EIF4G3: variants seen among roughly 807,000 people sequenced by gnomAD.
EIF4G3 encodes the protein eIF-4-gamma 3.
A neutral mutation model predicts 186.4 loss-of-function variants in EIF4G3; 34 were observed. The observed-to-expected ratio is 0.18, with a 90% CI of 0.14 to 0.24. The LOEUF (loss-of-function observed/expected upper bound fraction) is 0.24. EIF4G3 is among the 10% of genes least tolerant of loss of function. The pLI is 1.00. For synonymous variants in EIF4G3, 673 were observed against 679.5 expected (o/e 0.99, Z 0.15); for missense variants, 1,536 against 1,948.5 (o/e 0.79, Z 3.99).
rs2059069467 is a variant in EIF4G3, at chr1:20,810,677, G to C, written c.4744+61C>G. On this transcript the variant is annotated intron_variant, in intron 36 of 36. Coordinates refer to ENST00000602326, the MANE Select transcript of EIF4G3 (RefSeq NM_001391906.1). The surrounding 1 kb of genome is among the most constrained non-coding windows in gnomAD (Gnocchi z 4.1). ...TGTTCGAACCCTAAATCATCTCTAAGTCCTGGCTTGGATAAATCTCACTCA... is the reference window on the plus strand; with the variant it reads ...TGTTCGAACCCTAAATCATCTCTAACTCCTGGCTTGGATAAATCTCACTCA... The C allele has an allele frequency of 6.4e-7, 1 of 1,564,138 alleles. No individual in the cohort carries two copies. The highest frequency in any genetic ancestry group is 1.1e-5 in the South Asian group (1 of 89,276).
chr1:21,036,646 G>A (rs1299289064), intron 4 of EIF4G3, among the ~76,000 whole-genome samples: 1 of 152,200 alleles, frequency 6.6e-6, no homozygotes, highest in East Asian at 1.9e-4. Flanking sequence ...TTGGGAGGCT[G>A]AGGCAGGTGG....
chr1:21,033,514 T>C (rs1042135218), intron 4 of EIF4G3, among the ~76,000 whole-genome samples: 1 of 151,918 alleles, frequency 6.6e-6, no homozygotes, highest in Non-Finnish European at 1.5e-5. Flanking sequence ...GCAAGGAACA[T>C]TTATTTAGCA....
intron 2 of EIF4G3, among the ~76,000 whole-genome samples, chr1:21,164,333 T>TA (rs772364099): frequency 3.3e-5 from 5 of 152,312 alleles, no homozygotes; most frequent in Non-Finnish European, 7.4e-5. Flanking sequence ...TTTCCGGGCA[T>TA]AAAAAAGGAT....
chr1:21,150,452 C>T (rs1374520064), intron 2 of EIF4G3, among the ~76,000 whole-genome samples: 1 of 152,094 alleles, frequency 6.6e-6, no homozygotes, highest in Non-Finnish European at 1.5e-5. Context: ...GTGAGATCAG[C>T]ACTATACTGA....
In EIF4G3 at chr1:20,893,716, A is replaced by G; in HGVS notation, c.2134-80T>C. On this transcript the variant is annotated intron_variant, in intron 17 of 36. Coordinates refer to ENST00000602326, the MANE Select transcript of EIF4G3 (RefSeq NM_001391906.1). Reference sequence around the variant, plus strand: ...CAAAAGATAACAAAAATTTTTACTGAAAAGTTACATCAGCTGAAACGGTAA... The same window carrying G: ...CAAAAGATAACAAAAATTTTTACTGGAAAGTTACATCAGCTGAAACGGTAA... The G allele has an allele frequency of 7.1e-6, 10 of 1,418,100 alleles. No homozygotes were observed. In the South Asian group the frequency reaches 1.7e-4, roughly 23 times the overall value. 87.8% of individuals were successfully genotyped at this position (1,418,100 alleles called of 1,614,324 possible). A position where few individuals can be genotyped will look rare whatever the true frequency, so the allele number is the denominator to read the frequency against.
At chr1:20,882,071 G>C (rs2082503756) in intron 19 of EIF4G3, among the ~76,000 whole-genome samples, 1 of 151,910 alleles carries the variant, frequency 6.6e-6, no homozygotes, top group Non-Finnish European at 1.5e-5. Context: ...GCTGAGGCAG[G>C]AAGATCGCTT....
rs76877715 is a variant in EIF4G3 at position 21,067,434 on chromosome 1, T to C, written c.-195-16440A>G. Among the ~76,000 whole-genome samples the C allele has an allele frequency of 2.6e-5, 4 of 152,214 alleles. No individual in the cohort carries two copies. In the East Asian group the frequency reaches 7.7e-4, roughly 29 times the overall value. On this transcript the variant is annotated intron_variant, in intron 3 of 36. Coordinates refer to ENST00000602326, the MANE Select transcript of EIF4G3 (RefSeq NM_001391906.1). ...AGGCATGAGCCACCACGTCTGGCTT[T>C]TATTAAATAATATTTTAACAAGGTA... is the stretch of plus-strand genomic sequence containing the variant.
intron 4 of EIF4G3, among the ~76,000 whole-genome samples, chr1:21,042,209 C>T (rs1362274137): frequency 2.0e-5 from 3 of 152,052 alleles, no homozygotes; most frequent in East Asian, 1.9e-4. Context: ...AACTCCTGAG[C>T]GCAAGTGAAC....
At chr1:20,957,660 A>G (rs1038211164) in intron 12 of EIF4G3, among the ~76,000 whole-genome samples, 1 of 152,178 alleles carries the variant, frequency 6.6e-6, no homozygotes, top group African/African-American at 2.4e-5. Context: ...ATTCACTAGA[A>G]TAACCAAGAA....
chr1:20,958,013 G>A (rs1032761323), intron 12 of EIF4G3, among the ~76,000 whole-genome samples: 4 of 152,030 alleles, frequency 2.6e-5, no homozygotes, highest in African/African-American at 7.2e-5. Context: ...TATTCCAAGT[G>A]ACTGGGAAAG....
intron 13 of EIF4G3, among the ~76,000 whole-genome samples, chr1:20,944,195 C>A (rs926542157): frequency 2.3e-4 from 35 of 151,940 alleles, no homozygotes; most frequent in African/African-American, 8.5e-4. Flanking sequence ...CCTTTATGAC[C>A]ACTGACTGAA....
chr1:20,938,849 C>T (rs2095606962), intron 14 of EIF4G3, among the ~76,000 whole-genome samples: 1 of 152,168 alleles, frequency 6.6e-6, no homozygotes. Context: ...TGGCTCATGC[C>T]TGTAATCCCA....
intron 3 of EIF4G3, among the ~76,000 whole-genome samples, chr1:21,062,450 C>G (rs781522589): frequency 1.3e-4 from 20 of 152,068 alleles, no homozygotes; most frequent in Non-Finnish European, 2.6e-4. Flanking sequence ...GTCAGAATCT[C>G]AGAATTTCAA....
chr1:20,969,484 G>GT lies in EIF4G3; in HGVS notation c.703dup (p.Thr235AsnfsTer36). 6.2e-7 allele frequency: 1 copy of GT among 1,613,848 alleles called. No homozygotes were observed. The highest frequency in any genetic ancestry group is 8.5e-7 in the Non-Finnish European group (1 of 1,179,780). ...CTCACTCTGTCTTACCTGAGGAGGA[G>GT]TAGGTGTGGACGTGGGTCTTCCTAT... On this transcript the variant is annotated frameshift_variant, in exon 12 of 37. Transcript: ENST00000602326. LOFTEE classifies it high-confidence loss of function.
chr1:21,139,401 G>C (rs1346330191), intron 2 of EIF4G3, among the ~76,000 whole-genome samples: 1 of 152,048 alleles, frequency 6.6e-6, no homozygotes, highest in African/African-American at 2.4e-5. Context: ...GCAGCAGTAA[G>C]CTACAATCTC....
At chr1:21,007,289 T>C (rs970923512) in intron 4 of EIF4G3, among the ~76,000 whole-genome samples, 7 of 151,674 alleles carry the variant, frequency 4.6e-5, no homozygotes, top group Non-Finnish European at 8.8e-5. Context: ...TCCCAGCTAC[T>C]TGGGAGGCTG....
intron 2 of EIF4G3, among the ~76,000 whole-genome samples, chr1:21,129,965 CAGGATAATAGCCCCT>C (rs2102482863): frequency 6.6e-6 from 1 of 152,248 alleles, no homozygotes; most frequent in South Asian, 2.1e-4. Context: ...GAGGGTGGAT[CAGGATAATAGCCCCT>C]AGCACAATCC....
At chr1:21,112,093 A>G (rs2096736447) in intron 2 of EIF4G3, among the ~76,000 whole-genome samples, 1 of 152,216 alleles carries the variant, frequency 6.6e-6, no homozygotes, top group African/African-American at 2.4e-5. Flanking sequence ...AAAGGCCTCC[A>G]CTTACACTTT....
intron 2 of EIF4G3, among the ~76,000 whole-genome samples, chr1:21,101,659 C>T (rs2096531060): frequency 3.3e-5 from 5 of 149,464 alleles, no homozygotes; most frequent in Admixed American, 2.7e-4. Flanking sequence ...GGGAGGGACT[C>T]ATTCCAACAG....
Sources: allele counts gnomAD v4.1 joint callset (sites outside exome capture counted in the v4.1 genomes callset), GRCh38; gene constraint gnomAD v4.1.1; non-coding constraint Gnocchi (gnomAD v3.1); transcripts MANE v1.5; gene names NCBI Gene and HGNC (gene_info 2026-07-23, HGNC 2026-07-21).